LETM2: variants seen among roughly 807,000 people sequenced by gnomAD.
LETM2 encodes the protein LETM1 domain-containing protein LETM2, mitochondrial.
LETM2 carries 58 observed loss-of-function variants against 59.6 expected under a neutral mutation model. The ratio of observed to expected loss-of-function variants is 0.97; its 90% CI spans 0.79 to 1.21. LETM2 has a LOEUF of 1.21. Among genes scored for constraint, LETM2 ranks in the 50% most tolerant of loss-of-function variants. LETM2 has a pLI of 0.00. For missense variants in LETM2, 572 were observed against 575.7 expected (o/e 0.99, Z 0.07); for synonymous variants, 199 against 214.1 (o/e 0.93, Z 0.62).
At chr8:38,394,544 C>G (rs1812539979) in intron 4 of LETM2, 2 of 201,870 alleles carry the variant, frequency 9.9e-6, no homozygotes, top group Admixed American at 1.2e-4. Context: ...TTTCACTGCT[C>G]TAAAAATTCC....
At chr8:38,399,777 CA>C (rs10683906) in intron 4 of LETM2, among the ~76,000 whole-genome samples, 2,029 of 85,282 alleles carry the variant, frequency 0.024, 22 homozygotes, top group Middle Eastern at 0.038. Flanking sequence ...AACTCCATCT[CA>C]AAAAAAAAAA....
rs374786773 is a variant in LETM2, at chr8:38,394,126, G to T, written c.530G>T (p.Arg177Leu). ...TTGAGAACTTGTGTTGATTTCTTCC[G>T]CCTGGTTCCATTTATGGTGTTCTTA... ...RLLRTCVDFF[R>L]LVPFMVFLIV... Residue 177 changes from arginine to leucine, a missense_variant, in exon 4 of 11, where the codon CGC (arginine) becomes CTC (leucine). Coordinates refer to ENST00000379957, the MANE Select transcript of LETM2 (RefSeq NM_001286819.2). 3.4e-6 allele frequency: 5 copies of T among 1,482,692 alleles called. No homozygotes were observed. The highest frequency in any genetic ancestry group is 2.8e-5 in the African/African-American group (2 of 70,998). The allele number at this position is 1,482,692 out of a possible 1,614,324, so 91.8% of individuals were successfully genotyped here.
chr8:38,391,683 G>A (rs12677998), intron 2 of LETM2, among the ~76,000 whole-genome samples: 12,920 of 150,818 alleles, frequency 0.086, 783 homozygotes, highest in Non-Finnish European at 0.12. Flanking sequence ...CTTAATTGGG[G>A]TGCCCAATTC....
intron 8 of LETM2, 95 bp from the exon 9 acceptor site, chr8:38,406,851 C>A: frequency 4.0e-6 from 3 of 745,700 alleles, no homozygotes; most frequent in Non-Finnish European, 7.0e-6. Context: ...TAGTGGAAAG[C>A]AAATAGTGCT....
rs1325587180 is a variant in LETM2 at position 38,404,430 on chromosome 8, C to G, written c.1142C>G (p.Ser381Cys). The change falls in exon 8 of 11, where the codon TCC becomes TGC. Residue 381 changes from serine (S) to cysteine (C), a missense_variant. By Grantham distance (112) the Ser-to-Cys change is moderately radical. Transcript: ENST00000379957. ...DLHLKENVPP[S>C]LLLLSRTFYL... The stretch of plus-strand genomic sequence containing the variant: ...CACCTGAAGGAGAACGTCCCTCCTT[C>G]CCTTTTGCTCCTGTCCCGCACCTTC... The G allele has an allele frequency of 6.2e-7, 1 of 1,614,116 alleles. No individual in the cohort carries two copies. Among genetic ancestry groups the G allele is most frequent in the African/African-American group, 1.3e-5 (1 of 75,038 alleles).
At position 38,400,963 on chromosome 8, in the gene LETM2, C is replaced by CA. The variant is rs1336439718; in HGVS notation, c.897dup (p.Leu300ThrfsTer28). On this transcript the variant is annotated frameshift_variant, in exon 6 of 11. Transcript: ENST00000379957. LOFTEE classifies it high-confidence loss of function. ...ATCGCCCTCAGCTGGTTGCCCTTTGCAAACTGCTGGAATTGCAGACATTTG... is the reference window on the plus strand; with the variant it reads ...ATCGCCCTCAGCTGGTTGCCCTTTGCAAAACTGCTGGAATTGCAGACATTTG... The CA allele has an allele frequency of 6.2e-7, 1 of 1,614,134 alleles. No individual in the cohort carries two copies. The highest frequency in any genetic ancestry group is 2.2e-5 in the East Asian group (1 of 44,892).
chr8:38,387,202 G>T (rs1049858882), intron 1 of LETM2: 3 of 152,258 alleles, frequency 2.0e-5, no homozygotes, highest in African/African-American at 7.2e-5. Context: ...CAGGTTTCGA[G>T]CCCCTGTTGA....
chr8:38,389,205 AT>A (rs1373521184), intron 2 of LETM2, among the ~76,000 whole-genome samples: 1 of 150,888 alleles, frequency 6.6e-6, no homozygotes, highest in Non-Finnish European at 1.5e-5. Context: ...TGTTACCATT[AT>A]TTATTTATTT....
At chr8:38,402,755 C>T in intron 7 of LETM2, 111 bp downstream of exon 7, 1 of 1,163,850 alleles carries the variant, frequency 8.6e-7, no homozygotes, top group Non-Finnish European at 1.2e-6. Flanking sequence ...CTTAATTTGC[C>T]TTATTTCATT....
At chr8:38,388,860 G>A (rs1438071908) in intron 2 of LETM2, among the ~76,000 whole-genome samples, 2 of 151,808 alleles carry the variant, frequency 1.3e-5, no homozygotes, top group Non-Finnish European at 2.9e-5. Flanking sequence ...CCAACTCCCA[G>A]GTTCAAGAGA....
At chr8:38,392,322 G>A (rs941905394) in intron 2 of LETM2, among the ~76,000 whole-genome samples, 5 of 152,094 alleles carry the variant, frequency 3.3e-5, no homozygotes, top group Non-Finnish European at 1.5e-5. Flanking sequence ...CTACTTAGAA[G>A]GCTGAGGCAG....
Position 38,392,810 on chromosome 8 carries a change from CAGG to C in LETM2, c.317_319del (p.Gln106_Ala107delinsPro). On this transcript the variant is annotated inframe_deletion, in exon 3 of 11. Coordinates refer to ENST00000379957, the MANE Select transcript of LETM2 (RefSeq NM_001286819.2). ...AAAACATCCACAGGTGACAAGCCCT[CAGG>C]CCACAAAAGAAACTGGCATGGAGAT... 1 of 1,614,134 alleles carries C rather than the reference CAGG, an allele frequency of 6.2e-7. No individual in the cohort carries two copies.
chr8:38,406,908 C>G (rs760020580), intron 8 of LETM2, 38 bp from the exon 9 acceptor site: 2 of 1,391,828 alleles, frequency 1.4e-6, no homozygotes, highest in Non-Finnish European at 2.0e-6. Context: ...TTAGGAAGAG[C>G]AGAAAGCTTA....
At chr8:38,404,968 T>TC (rs528693905) in intron 8 of LETM2, 1 of 150,558 alleles carries the variant, frequency 6.6e-6, no homozygotes, top group East Asian at 2.0e-4. Flanking sequence ...AGAACTAGAC[T>TC]CCGTCTCAAA....
At chr8:38,403,723 C>T (rs553916371) in intron 7 of LETM2, among the ~76,000 whole-genome samples, 1 of 152,334 alleles carries the variant, frequency 6.6e-6, no homozygotes, top group South Asian at 2.1e-4. Context: ...GTGGGACCAG[C>T]TCTGGTTGGA....
At chr8:38,387,102 C>A (rs1811830892) in intron 1 of LETM2, 2 of 152,254 alleles carry the variant, frequency 1.3e-5, no homozygotes, top group Admixed American at 1.3e-4. Flanking sequence ...GTGTCCGCCG[C>A]CCGGGAGCGC....
rs1813014923 is a variant in LETM2 at position 38,399,771 on chromosome 8, C to G, written c.646-501C>G. On this transcript the variant is annotated intron_variant, in intron 4 of 10. Transcript: ENST00000379957. Reference sequence around the variant, plus strand: ...CCAGCCTGGGTGACAGAGCGAAACTCCATCTCAAAAAAAAAAAAAAAAAAA... The same window carrying G: ...CCAGCCTGGGTGACAGAGCGAAACTGCATCTCAAAAAAAAAAAAAAAAAAA... Among the ~76,000 whole-genome samples the G allele has an allele frequency of 3.0e-5, 4 of 133,246 alleles. No individual in the cohort carries two copies. In the South Asian group the frequency reaches 9.3e-4, roughly 31 times the overall value. The allele number at this position is 133,246 out of a possible 152,430, so 87.4% of individuals were successfully genotyped here. A position where few individuals can be genotyped will look rare whatever the true frequency, so the allele number is the denominator to read the frequency against.
intron 9 of LETM2, 107 bp downstream of exon 9, chr8:38,407,145 T>G: frequency 5.4e-6 from 4 of 739,274 alleles, no homozygotes; most frequent in Non-Finnish European, 7.0e-6. Context: ...TTCAATACAA[T>G]AATGTTCCTT....
intron 4 of LETM2, among the ~76,000 whole-genome samples, chr8:38,397,633 A>G (rs1365092326): frequency 1.3e-5 from 2 of 152,120 alleles, no homozygotes; most frequent in Non-Finnish European, 2.9e-5. Flanking sequence ...CACTTAAGGA[A>G]TTTAGGCTTT....
Sources: gnomAD v4.1 joint callset for allele counts (sites outside exome capture counted in the v4.1 genomes callset) on GRCh38, gnomAD v4.1.1 for gene constraint, MANE v1.5 for transcripts, NCBI Gene and HGNC (gene_info 2026-07-23, HGNC 2026-07-21) for gene names.